The following NCOR2 variants were observed in gnomAD, a reference collection of about 807,000 sequenced individuals.
NCOR2 encodes CTG repeat protein 26.
In NCOR2, 81 loss-of-function variants were observed where a neutral mutation model predicts 262.9. That is an observed-to-expected ratio of 0.31 (90% CI 0.26 to 0.37). The LOEUF (loss-of-function observed/expected upper bound fraction) is 0.37, where lower values mean the gene tolerates loss of function less well. Ranked by LOEUF, NCOR2 falls within the 10% of genes least tolerant of loss-of-function variation. The pLI is 1.00. For missense variants in NCOR2, 3,385 were observed against 3,621.4 expected (o/e 0.93, Z 1.68); for synonymous variants, 1,659 against 1,559.3 (o/e 1.06, Z -1.51).
chr12:124,565,504 A>G (rs561492959), intron 1 of NCOR2, among the ~76,000 whole-genome samples: 113 of 152,190 alleles, frequency 7.4e-4, no homozygotes, highest in Admixed American at 1.8e-3. Flanking sequence ...TCTCCGGACA[A>G]GCAGAGGGGA....
At chr12:124,466,624 G>A (rs1209747804) in intron 4 of NCOR2, among the ~76,000 whole-genome samples, 1 of 152,108 alleles carries the variant, frequency 6.6e-6, no homozygotes, top group African/African-American at 2.4e-5. Flanking sequence ...TTCTGACTGT[G>A]GTGAGAACTG....
intron 8 of NCOR2, among the ~76,000 whole-genome samples, chr12:124,437,451 C>CA (rs1320364705): frequency 1.3e-5 from 2 of 152,204 alleles, no homozygotes; most frequent in Non-Finnish European, 2.9e-5. Flanking sequence ...AATGCAGGCT[C>CA]AGGGAAAGGG....
chr12:124,432,918 A>G lies in NCOR2; in HGVS notation c.883-2131T>C, dbSNP rs2044053767. ...CAGGGCGAGCCACCCACACAACCCCAGTTACTCCACCTCTAACAGCTGGGG... is the reference window on the plus strand; with the variant it reads ...CAGGGCGAGCCACCCACACAACCCCGGTTACTCCACCTCTAACAGCTGGGG... On this transcript the variant is annotated intron_variant, in intron 8 of 46. Coordinates refer to ENST00000405201, the Ensembl canonical transcript of NCOR2. This position sits in a 1 kb window ranked among gnomAD's most constrained non-coding sequence, Gnocchi z 5.1. 6.6e-6 allele frequency among the ~76,000 whole-genome samples: 1 copy of G among 152,130 alleles called. No individual in the cohort carries two copies. Among genetic ancestry groups the G allele is most frequent in the African/African-American group, 2.4e-5 (1 of 41,440 alleles).
intron 1 of NCOR2, among the ~76,000 whole-genome samples, chr12:124,515,527 A>C (rs1423125276): frequency 6.6e-6 from 1 of 152,204 alleles, no homozygotes; most frequent in Admixed American, 6.5e-5. Flanking sequence ...AGCCAGCCGT[A>C]TGCAGATTGC....
chr12:124,535,337 C>T (rs939495380), intron 1 of NCOR2, among the ~76,000 whole-genome samples: 3 of 152,242 alleles, frequency 2.0e-5, no homozygotes, highest in Non-Finnish European at 2.9e-5. Context: ...AATCACTGCA[C>T]CAACTCAGCC....
At chr12:124,521,938 A>G (rs1441720097) in intron 1 of NCOR2, among the ~76,000 whole-genome samples, 2 of 152,170 alleles carry the variant, frequency 1.3e-5, no homozygotes, top group African/African-American at 2.4e-5. Flanking sequence ...GAATTGCTTG[A>G]ACCAGGAGGC....
intron 1 of NCOR2, among the ~76,000 whole-genome samples, chr12:124,490,692 G>A (rs1053671758): frequency 7.2e-5 from 11 of 152,236 alleles, no homozygotes; most frequent in South Asian, 2.1e-4. Flanking sequence ...TGATCCCCAC[G>A]CGCCCACCTG....
chr12:124,355,623 G>T, intron 23 of NCOR2, 52 bp from the exon 26 acceptor site: 2 of 1,496,884 alleles, frequency 1.3e-6, no homozygotes, highest in Non-Finnish European at 8.9e-7. Context: ...TCACGTCCCT[G>T]CCGGACACAC....
chr12:124,462,664 G>A (rs1461124073), intron 5 of NCOR2, among the ~76,000 whole-genome samples: 2 of 152,320 alleles, frequency 1.3e-5, no homozygotes, highest in South Asian at 2.1e-4. Context: ...CACAGGACGG[G>A]GTCTGAAGCA....
At chr12:124,499,597 G>A (rs1305443310), upstream of NCOR2, among the ~76,000 whole-genome samples, 1 of 152,192 alleles carries the variant, frequency 6.6e-6, no homozygotes, top group Admixed American at 6.5e-5. Context: ...TTGGGGGTGA[G>A]CCCCCGCCAG....
At chr12:124,400,750 T>G in intron 14 of NCOR2, 77 bp from the exon 17 acceptor site, 2 of 1,536,586 alleles carry the variant, frequency 1.3e-6, no homozygotes, top group South Asian at 2.3e-5. Context: ...AGACTGTTTC[T>G]TTAGCTGGAT....
intron 23 of NCOR2, 150 bp downstream of exon 25, chr12:124,356,492 C>A: frequency 1.4e-6 from 1 of 691,618 alleles, no homozygotes; most frequent in Non-Finnish European, 2.1e-6. Flanking sequence ...AAAAGATCTC[C>A]CCCTTTCCCT....
rs2037985831 is a variant in NCOR2, at chr12:124,356,786, G to A, written c.3101-4C>T. 1.4e-6 allele frequency: 2 copies of A among 1,469,756 alleles called. No individual in the cohort carries two copies. The highest frequency in any genetic ancestry group is 1.8e-6 in the Non-Finnish European group (2 of 1,119,764). 91.0% of individuals were successfully genotyped at this position (1,469,756 alleles called of 1,614,324 possible). A position where few individuals can be genotyped will look rare whatever the true frequency, so the allele number is the denominator to read the frequency against. ...TTCTGGGCCTCGGCTGCGAAGGCTG[G>A]GAAGAACACAGGCTTCTCTGCTGAG... On this transcript the variant is annotated splice_polypyrimidine_tract_variant and splice_region_variant and intron_variant, in intron 22 of 46. Coordinates refer to ENST00000405201, the Ensembl canonical transcript of NCOR2.
rs945644543 is a variant in NCOR2 at position 124,424,818 on chromosome 12, C to T, written c.1328+1804G>A. On this transcript the variant is annotated intron_variant, in intron 11 of 46. Coordinates refer to ENST00000405201, the Ensembl canonical transcript of NCOR2. ...TCCCCAAGGCAGCTCAGTAGCCTGC[C>T]GGGTGAACGTCGGGCAGTGACAAAG... Among the ~76,000 whole-genome samples the T allele has an allele frequency of 5.3e-5, 8 of 152,148 alleles. No individual in the cohort carries two copies. The South Asian group carries it at 6.2e-4, about 12-fold the overall frequency.
chr12:124,430,586 C>T (rs764771209), intron 9 of NCOR2, 29 bp downstream of exon 11: 112 of 1,583,044 alleles, frequency 7.1e-5, no homozygotes, highest in Non-Finnish European at 8.9e-5. Flanking sequence ...GCCCTGACGT[C>T]GGGGGCCCTG....
At chr12:124,495,901 G>A (rs1304118318), upstream of NCOR2, among the ~76,000 whole-genome samples, 4 of 152,176 alleles carry the variant, frequency 2.6e-5, no homozygotes, top group African/African-American at 9.7e-5. The surrounding 1 kb of genome is among the most constrained non-coding windows in gnomAD (Gnocchi z 4.4). Context: ...CTGACACCAT[G>A]ACATGGGACA....
intron 1 of NCOR2, among the ~76,000 whole-genome samples, chr12:124,512,799 G>C (rs753480183): frequency 6.6e-6 from 1 of 152,172 alleles, no homozygotes; most frequent in African/African-American, 2.4e-5. Flanking sequence ...AGTAGCCGCT[G>C]GGTATTGGCC....
Position 124,378,319 on chromosome 12 carries a change from T to C in NCOR2, c.2085A>G (p.Ala695=), listed in dbSNP as rs1361809448. The change falls in exon 18 of 47, where the codon GCA becomes GCG. Residue 695 remains alanine, a synonymous_variant. Coordinates refer to ENST00000405201, the Ensembl canonical transcript of NCOR2. The surrounding 1 kb of genome is among the most constrained non-coding windows in gnomAD (Gnocchi z 4.2). ...CCTCATCCTCCACCACGGGCGGGAA[T>C]GCAGCCTCCTCGCTGGCCGCCGCCG... 3.7e-6 allele frequency: 6 copies of C among 1,613,892 alleles called. No homozygotes were observed. The highest frequency in any genetic ancestry group is 1.1e-5 in the South Asian group (1 of 91,076).
chr12:124,507,208 G>C (rs1286959600), intron 1 of NCOR2, among the ~76,000 whole-genome samples: 1 of 152,158 alleles, frequency 6.6e-6, no homozygotes, highest in African/African-American at 2.4e-5. Context: ...AGCGAGGAAG[G>C]GGGAGTTACT....
Sources: gnomAD v4.1 joint callset for allele counts (sites outside exome capture counted in the v4.1 genomes callset) on GRCh38, gnomAD v4.1.1 for gene constraint, Gnocchi (gnomAD v3.1) non-coding constraint, MANE v1.5 for transcripts, NCBI Gene and HGNC (gene_info 2026-07-23, HGNC 2026-07-21) for gene names.